The following MAPK8 variants were observed in gnomAD, a reference collection of about 807,000 sequenced individuals.
MAPK8 encodes the protein mitogen-activated protein kinase 8.
MAPK8 carries 13 observed loss-of-function variants against 52.9 expected under a neutral mutation model. The observed-to-expected ratio is 0.25, with a 90% CI of 0.16 to 0.39. The LOEUF (loss-of-function observed/expected upper bound fraction) is 0.39. Among genes scored for constraint, MAPK8 ranks in the 10% least tolerant of loss-of-function variants. MAPK8 has a pLI of 1.00. For synonymous variants in MAPK8, 191 were observed against 169.8 expected, an observed-to-expected ratio of 1.12 and a Z score of -0.97; for missense variants, 300 against 519.2, an observed-to-expected ratio of 0.58 and a Z score of 4.10.
chr10:48,383,997 C>G (rs1247853885), intron 1 of MAPK8, among the ~76,000 whole-genome samples: 1 of 152,120 alleles, frequency 6.6e-6, no homozygotes, highest in East Asian at 1.9e-4. Context: ...TGGCTCATGC[C>G]TGCAATCCCA....
At chr10:48,409,856 C>T in intron 3 of MAPK8, 23 bp from the exon 4 acceptor site, 2 of 1,538,930 alleles carry the variant, frequency 1.3e-6, no homozygotes, top group Non-Finnish European at 1.8e-6. Flanking sequence ...TCTAATTTTT[C>T]TGTCTCTCGA....
chr10:48,399,545 A>G (rs1222825836), intron 1 of MAPK8, among the ~76,000 whole-genome samples: 1 of 152,078 alleles, frequency 6.6e-6, no homozygotes, highest in African/African-American at 2.4e-5. Flanking sequence ...TGGCCGGGCC[A>G]CCCTGTTCTG....
rs367874244 is a variant in MAPK8, at chr10:48,414,837, C to G, written c.450+4669C>G. On this transcript the variant is annotated intron_variant, in intron 5 of 11. Coordinates refer to ENST00000374189, the MANE Select transcript of MAPK8 (RefSeq NM_001323329.2). ...CTTCAAGCAATCCAGCTGCCTTGAC[C>G]TCCCAAAGTGCTGGGATCACAGGCA... Among the ~76,000 whole-genome samples the G allele has an allele frequency of 9.4e-4, 143 of 152,224 alleles. 1 individual carries two copies. The highest frequency in any genetic ancestry group is 3.3e-3 in the African/African-American group (138 of 41,556).
chr10:48,311,123 G>A (rs1352099613), intron 1 of MAPK8, among the ~76,000 whole-genome samples: 1 of 152,106 alleles, frequency 6.6e-6, no homozygotes, highest in Non-Finnish European at 1.5e-5. Context: ...GTTTAAATTA[G>A]GTACTGCATG....
Position 48,354,334 on chromosome 10 carries a change from G to A in MAPK8, c.-49-47278G>A, listed in dbSNP as rs573769301. On this transcript the variant is annotated intron_variant, in intron 1 of 11. Coordinates refer to ENST00000374189, the MANE Select transcript of MAPK8 (RefSeq NM_001323329.2). ...GGTTTCCTTTCCTCAGCATCAGAGA[G>A]CATTGAGGAACCTGAGGAAATAATA... Among the ~76,000 whole-genome samples, 11 of 152,306 alleles carry A rather than the reference G, an allele frequency of 7.2e-5. No individual in the cohort carries two copies. The East Asian group carries it at 1.7e-3, about 24-fold the overall frequency.
At chr10:48,390,570 C>T (rs2041567385) in intron 1 of MAPK8, among the ~76,000 whole-genome samples, 2 of 152,148 alleles carry the variant, frequency 1.3e-5, no homozygotes, top group Admixed American at 6.6e-5. Flanking sequence ...TGAACTTATT[C>T]TTTTCTCCTT....
intron 1 of MAPK8, among the ~76,000 whole-genome samples, chr10:48,317,523 G>A (rs1402140747): frequency 6.6e-6 from 1 of 152,076 alleles, no homozygotes; most frequent in Non-Finnish European, 1.5e-5. Flanking sequence ...AGTGGGTGCA[G>A]ACCACTCTTT....
intron 1 of MAPK8, among the ~76,000 whole-genome samples, chr10:48,349,364 A>G (rs1242982665): frequency 6.6e-6 from 1 of 152,194 alleles, no homozygotes; most frequent in Non-Finnish European, 1.5e-5. Context: ...AATTGACCAC[A>G]TAATTGGAAG....
chr10:48,406,194 C>T (rs545983468), intron 3 of MAPK8, among the ~76,000 whole-genome samples: 17 of 152,112 alleles, frequency 1.1e-4, no homozygotes, highest in African/African-American at 3.9e-4. Flanking sequence ...TAAAAAAGGT[C>T]CAGAGACAAA....
rs142885467 is a variant in MAPK8, at chr10:48,437,636, A to G, written c.*2607A>G. The G allele has an allele frequency of 4.6e-4, 70 of 152,304 alleles. No individual in the cohort carries two copies. The highest frequency in any genetic ancestry group is 1.5e-3 in the African/African-American group (62 of 41,570). 9.4% of individuals were successfully genotyped at this position (152,304 alleles called of 1,614,324 possible). On this transcript the variant is annotated 3_prime_UTR_variant, in exon 12 of 12. Coordinates refer to ENST00000374189, the MANE Select transcript of MAPK8 (RefSeq NM_001323329.2). ...GTTGTTGGGATCACTTAGTTATACT[A>G]TACGCAGATAGAGCATCTCAACTCT...
intron 1 of MAPK8, among the ~76,000 whole-genome samples, chr10:48,331,965 C>T (rs1844192909): frequency 6.6e-6 from 1 of 152,092 alleles, no homozygotes; most frequent in Admixed American, 6.5e-5. Context: ...TTCTTTCTAC[C>T]TTTCCAGAGG....
At chr10:48,343,718 T>A (rs1035695884) in intron 1 of MAPK8, among the ~76,000 whole-genome samples, 6 of 152,194 alleles carry the variant, frequency 3.9e-5, no homozygotes, top group Admixed American at 3.9e-4. Context: ...TCTTGATTGC[T>A]TTTTCTCTGT....
intron 3 of MAPK8, among the ~76,000 whole-genome samples, chr10:48,409,390 A>G (rs151325281): frequency 3.3e-4 from 51 of 152,314 alleles, no homozygotes; most frequent in Non-Finnish European, 6.3e-4. Context: ...TGAGATGTCC[A>G]TGCAAAAAGT....
At chr10:48,341,607 T>A (rs12241466) in intron 1 of MAPK8, among the ~76,000 whole-genome samples, 7,073 of 152,330 alleles carry the variant, frequency 0.046, 553 homozygotes, top group African/African-American at 0.16. Context: ...GTGCTTATTA[T>A]GCGCCAGGCA....
chr10:48,389,355 A>T, intron 1 of MAPK8, among the ~76,000 whole-genome samples: 1 of 152,180 alleles, frequency 6.6e-6, no homozygotes, highest in East Asian at 1.9e-4. Flanking sequence ...CTAACCTCAT[A>T]GTGCTCACTA....
chr10:48,419,824 CTTTCTT>C (rs1438692741), intron 5 of MAPK8, among the ~76,000 whole-genome samples: 2 of 152,082 alleles, frequency 1.3e-5, no homozygotes, highest in Non-Finnish European at 2.9e-5. Flanking sequence ...TAACTTATGA[CTTTCTT>C]TTACTATAGT....
chr10:48,396,122 CT>C (rs1201483983), intron 1 of MAPK8, among the ~76,000 whole-genome samples: 2 of 151,956 alleles, frequency 1.3e-5, no homozygotes, highest in African/African-American at 4.8e-5. Context: ...AAATTAAAAA[CT>C]TTTACTCTGT....
intron 1 of MAPK8, among the ~76,000 whole-genome samples, chr10:48,383,607 G>C (rs956961578): frequency 1.3e-5 from 2 of 151,904 alleles, no homozygotes; most frequent in African/African-American, 4.8e-5. Context: ...TCAAACACAT[G>C]ATAAGATTTA....
At chr10:48,308,974 A>G (rs1253766608) in intron 1 of MAPK8, among the ~76,000 whole-genome samples, 5 of 152,210 alleles carry the variant, frequency 3.3e-5, no homozygotes, top group African/African-American at 1.2e-4. Flanking sequence ...ATTTGCTGTA[A>G]AGTGGAAATG....
Sources: allele counts gnomAD v4.1 joint callset (sites outside exome capture counted in the v4.1 genomes callset), GRCh38; gene constraint gnomAD v4.1.1; transcripts MANE v1.5; gene names NCBI Gene and HGNC (gene_info 2026-07-23, HGNC 2026-07-21).